The following AFF2 variants were observed in gnomAD, a reference collection of about 807,000 sequenced individuals.
AFF2 encodes ALF transcription elongation factor 2.
In AFF2, 14 loss-of-function variants were observed where a neutral mutation model predicts 76.9. The ratio of observed to expected loss-of-function variants is 0.18; its 90% CI spans 0.12 to 0.28. The LOEUF (loss-of-function observed/expected upper bound fraction) is 0.28, where lower values mean the gene tolerates loss of function less well. AFF2 is among the 10% of genes least tolerant of loss of function. The pLI is 1.00. For synonymous variants in AFF2, 398 were observed against 366.7 expected (o/e 1.09, Z -0.98); for missense variants, 868 against 1,001.1 (o/e 0.87, Z 1.79).
intron 1 of AFF2, among the ~76,000 whole-genome samples, chrX:148,624,888 G>C (rs17252202): frequency 9.0e-6 from 1 of 111,418 alleles, no homozygotes; most frequent in South Asian, 3.7e-4. Flanking sequence ...AATTGTCCGA[G>C]GATGTCTGGA....
Position 148,615,891 on chromosome X carries a change from T to A in AFF2, c.48-36108T>A, listed in dbSNP as rs181546980. ...AATCATGGAGATTTGTGATTTTGTG[T>A]TTTCCACTTACCTACATTAAGGCTC... On this transcript the variant is annotated intron_variant, in intron 1 of 20. Coordinates refer to ENST00000370460, the MANE Select transcript of AFF2 (RefSeq NM_002025.4). Among the ~76,000 whole-genome samples the A allele has an allele frequency of 2.8e-3, 314 of 111,654 alleles. 2 individuals are homozygous for A. The highest frequency in any genetic ancestry group is 9.6e-3 in the African/African-American group (294 of 30,779).
At chrX:148,516,142 G>A (rs782792704) in intron 1 of AFF2, among the ~76,000 whole-genome samples, 15 of 111,121 alleles carry the variant, frequency 1.3e-4, no homozygotes, top group Non-Finnish European at 2.8e-4. Flanking sequence ...ATCTGTGTTC[G>A]CTGTGTTCTC....
At position 148,999,599 on chromosome X, in the gene AFF2, T is replaced by C. The variant is rs1327065374; in HGVS notation, c.*8267T>C. ...TCGTCAGTGTGTGTGTGTGTGTGTG[T>C]GTGCGCGCACACACGTGCGTGTGTG... On this transcript the variant is annotated 3_prime_UTR_variant, in exon 21 of 21. Transcript: ENST00000370460. 2.0e-5 allele frequency: 2 copies of C among 101,666 alleles called. No individual in the cohort carries two copies. The highest frequency in any genetic ancestry group is 9.2e-5 in the African/African-American group (2 of 21,664). The allele number at this position is 101,666 out of a possible 1,213,427, so 8.4% of individuals were successfully genotyped here.
At chrX:148,986,753 G>A (rs1159068387) in intron 19 of AFF2, among the ~76,000 whole-genome samples, 1 of 113,183 alleles carries the variant, frequency 8.8e-6, no homozygotes, top group Non-Finnish European at 1.9e-5. Context: ...GACCAATATT[G>A]GACATCAAGT....
chrX:148,512,996 A>G (rs1322558541), intron 1 of AFF2, among the ~76,000 whole-genome samples: 1 of 111,582 alleles, frequency 9.0e-6, no homozygotes, highest in Non-Finnish European at 1.9e-5. Context: ...ACTAAGAACT[A>G]CCACATCTAC....
chrX:148,687,104 T>A (rs2054608470), intron 3 of AFF2, among the ~76,000 whole-genome samples: 1 of 111,894 alleles, frequency 8.9e-6, no homozygotes, highest in Admixed American at 9.5e-5. Context: ...TTTTCCTGAC[T>A]ACATTCAGAT....
intron 7 of AFF2, among the ~76,000 whole-genome samples, chrX:148,858,951 T>A (rs1382831329): frequency 4.6e-5 from 5 of 107,559 alleles, no homozygotes; most frequent in Admixed American, 3.1e-4. Context: ...CCATAGTAAA[T>A]GAAAAGAAAG....
At chrX:148,752,177 C>G (rs2055509826) in intron 3 of AFF2, among the ~76,000 whole-genome samples, 1 of 111,183 alleles carries the variant, frequency 9.0e-6, no homozygotes, top group Non-Finnish European at 1.9e-5. Flanking sequence ...TGTAAACATT[C>G]AGACTATAGT....
At chrX:148,559,270 C>T (rs931198569) in intron 1 of AFF2, among the ~76,000 whole-genome samples, 4 of 111,401 alleles carry the variant, frequency 3.6e-5, no homozygotes, top group Non-Finnish European at 7.5e-5. Context: ...AATGAATAAA[C>T]AATCTGATTT....
chrX:148,789,973 ACCC>A (rs1455370720), intron 3 of AFF2, among the ~76,000 whole-genome samples: 1 of 110,828 alleles, frequency 9.0e-6, no homozygotes, highest in Non-Finnish European at 1.9e-5. Context: ...ATTATGGGTC[ACCC>A]CTCTTCTTTC....
At chrX:148,806,374 G>A (rs2070133442) in intron 3 of AFF2, among the ~76,000 whole-genome samples, 1 of 111,826 alleles carries the variant, frequency 8.9e-6, no homozygotes, top group Non-Finnish European at 1.9e-5. Context: ...TCGAATCCTT[G>A]GCCTCTCACT....
At position 148,911,146 on chromosome X, in the gene AFF2, C is replaced by T. The variant is rs782484008; in HGVS notation, c.1397+6888C>T. On this transcript the variant is annotated intron_variant, in intron 9 of 20. Transcript: ENST00000370460. Reference sequence around the variant, plus strand: ...GTGTGTATAATGCATCTGTATTTAACTCCACACACACACGTGCACACACAT... The same window carrying T: ...GTGTGTATAATGCATCTGTATTTAATTCCACACACACACGTGCACACACAT... Among the ~76,000 whole-genome samples, 7 of 109,442 alleles carry T rather than the reference C, an allele frequency of 6.4e-5. No homozygotes were observed. The South Asian group carries it at 2.8e-3, about 43-fold the overall frequency.
At chrX:148,708,578 T>C (rs1309324630) in intron 3 of AFF2, among the ~76,000 whole-genome samples, 2 of 112,068 alleles carry the variant, frequency 1.8e-5, no homozygotes, top group Non-Finnish European at 3.8e-5. Context: ...TGGGTCAACT[T>C]GTTTGTTTAA....
chrX:148,834,904 A>G (rs1229767049), intron 4 of AFF2, among the ~76,000 whole-genome samples: 6 of 112,121 alleles, frequency 5.4e-5, no homozygotes, highest in African/African-American at 1.9e-4. Flanking sequence ...TATTCCTTTC[A>G]ACTACATCCT....
At chrX:148,905,479 G>A (rs1569556869) in intron 9 of AFF2, among the ~76,000 whole-genome samples, 2 of 112,489 alleles carry the variant, frequency 1.8e-5, no homozygotes, top group Admixed American at 9.4e-5. Context: ...CCTCCACTGT[G>A]AGCCTGTGGC....
chrX:148,859,866 A>G (rs781900111), intron 7 of AFF2, among the ~76,000 whole-genome samples: 3 of 110,718 alleles, frequency 2.7e-5, no homozygotes, highest in African/African-American at 9.8e-5. Flanking sequence ...CATGTGCACA[A>G]TGTGCAGGTT....
At chrX:148,563,855 T>C (rs941851427) in intron 1 of AFF2, among the ~76,000 whole-genome samples, 5 of 111,544 alleles carry the variant, frequency 4.5e-5, no homozygotes, top group African/African-American at 1.6e-4. Context: ...CCATATCTTA[T>C]TTCTCCTGGT....
chrX:148,662,759 A>C lies in AFF2; in HGVS notation c.1032A>C (p.Gln344His). 8.3e-7 allele frequency: 1 copy of C among 1,207,078 alleles called. No homozygotes were observed. Among genetic ancestry groups the C allele is most frequent in the Non-Finnish European group, 1.1e-6 (1 of 892,810 alleles). The change falls in exon 3 of 21, where the codon CAA (glutamine) becomes CAC (histidine). Residue 344 changes from glutamine to histidine, a missense_variant. Gln to His is a conservative substitution (Grantham distance 24). This residue lies in a region of AFF2 where 532 missense variants were observed against 564.2 expected (regional missense o/e 0.94). Transcript: ENST00000370460. ...AACTGCCAAAGTTCACCATCCTCCA[A>C]ACAAGTGAAGTAAGTAATTTTTAAA... Reference protein sequence around the residue: ...KTKLPKFTILQTSEVSLPSDP... With the variant: ...KTKLPKFTILHTSEVSLPSDP...
At chrX:148,834,306 G>A (rs1421434692) in intron 4 of AFF2, among the ~76,000 whole-genome samples, 3 of 111,876 alleles carry the variant, frequency 2.7e-5, no homozygotes, top group Non-Finnish European at 5.6e-5. Flanking sequence ...GTGCACTCTT[G>A]TACCAGTAAT....
Sources: gnomAD v4.1 joint callset for allele counts (sites outside exome capture counted in the v4.1 genomes callset) on GRCh38, gnomAD v4.1.1 for gene constraint, gnomAD v4.1.1 regional missense constraint, MANE v1.5 for transcripts, NCBI Gene and HGNC (gene_info 2026-07-23, HGNC 2026-07-21) for gene names.